QKI: variants seen among roughly 807,000 people sequenced by gnomAD.
QKI encodes the protein KH domain-containing RNA-binding protein QKI.
QKI carries 10 observed loss-of-function variants against 39.0 expected under a neutral mutation model. The observed-to-expected ratio is 0.26, with a 90% CI of 0.16 to 0.43. QKI has a LOEUF of 0.43. Among genes scored for constraint, QKI ranks in the 20% least tolerant of loss-of-function variants. The probability of loss-of-function intolerance (pLI) is 1.00; values close to 1 mark genes in which losing one functional copy is unlikely to be tolerated. For missense variants in QKI, 218 were observed against 428.0 expected, an observed-to-expected ratio of 0.51 and a Z score of 4.33; for synonymous variants, 204 against 155.4, an observed-to-expected ratio of 1.31 and a Z score of -2.33.
At chr6:163,557,301 T>C (rs1782689535) in intron 4 of QKI, among the ~76,000 whole-genome samples, 1 of 152,172 alleles carries the variant, frequency 6.6e-6, no homozygotes, top group Admixed American at 6.5e-5. Flanking sequence ...AAGGAGACTT[T>C]CTGGGTTTGT....
intron 1 of QKI, among the ~76,000 whole-genome samples, chr6:163,443,676 T>C (rs941022228): frequency 6.6e-6 from 1 of 152,278 alleles, no homozygotes; most frequent in Non-Finnish European, 1.5e-5. Context: ...AAAAATGTCA[T>C]GAAGTGACAG....
intron 2 of QKI, among the ~76,000 whole-genome samples, chr6:163,469,912 C>G (rs1462698650): frequency 6.6e-6 from 1 of 152,094 alleles, no homozygotes; most frequent in Non-Finnish European, 1.5e-5. Context: ...TATGTCAATT[C>G]TAGACCTCTT....
intron 2 of QKI, among the ~76,000 whole-genome samples, chr6:163,467,032 A>G (rs1465503131): frequency 6.7e-6 from 1 of 148,432 alleles, no homozygotes; most frequent in Non-Finnish European, 1.5e-5. Context: ...CAAAACAACA[A>G]AACAGCAAAA....
rs139906657 is a variant in QKI, at chr6:163,422,135, A to G, written c.142+6800A>G. 1.1e-4 allele frequency among the ~76,000 whole-genome samples: 17 copies of G among 152,340 alleles called. No individual in the cohort carries two copies. In the East Asian group the frequency reaches 3.1e-3, roughly 28 times the overall value. On this transcript the variant is annotated intron_variant, in intron 1 of 7. Coordinates refer to ENST00000361752, the MANE Select transcript of QKI (RefSeq NM_006775.3). ...AATCTGTGATGAATTTTTAAAAAAT[A>G]TATTGCAGAAGTGATTTATCTAGAA...
intron 1 of QKI, among the ~76,000 whole-genome samples, chr6:163,450,034 T>C (rs1404166447): frequency 2.6e-5 from 4 of 151,424 alleles, no homozygotes; most frequent in Admixed American, 2.0e-4. Flanking sequence ...TACACACACA[T>C]ATATATGTAT....
chr6:163,429,775 A>G (rs914564865), intron 1 of QKI, among the ~76,000 whole-genome samples: 1 of 152,226 alleles, frequency 6.6e-6, no homozygotes, highest in Non-Finnish European at 1.5e-5. Flanking sequence ...GTGACTTAAC[A>G]TACTTAATTG....
Position 163,571,626 on chromosome 6 carries a change from CA to C in QKI, c.*921del, listed in dbSNP as rs781101437. On this transcript the variant is annotated 3_prime_UTR_variant, in exon 8 of 8. Transcript: ENST00000361752. ...AGTGTAGTGCATTGAAACAAATGAA[CA>C]AAAAGTAGATACTTTTACTATACAA... 6.7e-6 allele frequency: 1 copy of C among 148,838 alleles called. No individual in the cohort carries two copies. The highest frequency in any genetic ancestry group is 2.1e-4 in the South Asian group (1 of 4,754). The allele number at this position is 148,838 out of a possible 1,614,324, so 9.2% of individuals were successfully genotyped here.
At chr6:163,447,899 A>G (rs1790270963) in intron 1 of QKI, among the ~76,000 whole-genome samples, 1 of 152,192 alleles carries the variant, frequency 6.6e-6, no homozygotes, top group African/African-American at 2.4e-5. Flanking sequence ...TTTATATAAT[A>G]ACATGAAAGC....
In QKI at chr6:163,552,202, C is replaced by T. The variant is rs969637030; in HGVS notation, c.547-9780C>T. Among the ~76,000 whole-genome samples, 39 of 123,606 alleles carry T rather than the reference C, an allele frequency of 3.2e-4. 1 individual carries two copies. The South Asian group carries it at 3.3e-3, about 10-fold the overall frequency. The allele number at this position is 123,606 out of a possible 152,430, so 81.1% of individuals were successfully genotyped here. Reference sequence around the variant, plus strand: ...GAAGTGGATCATCATAAAGTTCGTTCGTTCTTTTTTTTTTTTTTTTTTTTT... The same window carrying T: ...GAAGTGGATCATCATAAAGTTCGTTTGTTCTTTTTTTTTTTTTTTTTTTTT... On this transcript the variant is annotated intron_variant, in intron 4 of 7. Coordinates refer to ENST00000361752, the MANE Select transcript of QKI (RefSeq NM_006775.3).
intron 1 of QKI, among the ~76,000 whole-genome samples, chr6:163,434,229 G>A (rs1478249392): frequency 1.3e-5 from 2 of 152,178 alleles, no homozygotes; most frequent in Admixed American, 6.5e-5. Flanking sequence ...TGCCCAGCCT[G>A]AGATGGAAGG....
At chr6:163,565,860 T>C in intron 6 of QKI, 11 of 1,567,540 alleles carry the variant, frequency 7.0e-6, no homozygotes, top group Non-Finnish European at 9.6e-6. Context: ...GATGCAGACA[T>C]GTGTGTTGGT....
intron 2 of QKI, among the ~76,000 whole-genome samples, chr6:163,469,409 T>C (rs138176644): frequency 6.6e-6 from 1 of 152,334 alleles, no homozygotes; most frequent in Admixed American, 6.5e-5. Flanking sequence ...GTGAAGTATA[T>C]AATGTGTATC....
intron 6 of QKI, chr6:163,565,438 T>C: frequency 1.0e-6 from 1 of 986,296 alleles, no homozygotes; most frequent in African/African-American, 1.7e-5. Flanking sequence ...ATGATTACCT[T>C]ATCTAAAATG....
intron 1 of QKI, among the ~76,000 whole-genome samples, chr6:163,437,949 GACGGTCATTTTC>G: frequency 6.6e-6 from 1 of 152,270 alleles, no homozygotes; most frequent in Non-Finnish European, 1.5e-5. Context: ...AAAAGTATTT[GACGGTCATTTTC>G]ATAAGCTAAA....
intron 1 of QKI, among the ~76,000 whole-genome samples, chr6:163,420,154 C>CTTTTTT (rs35131240): frequency 2.8e-4 from 17 of 60,780 alleles, no homozygotes; most frequent in Non-Finnish European, 3.7e-4. Flanking sequence ...CTTTTCTTTT[C>CTTTTTT]TTTTTTTTTT....
chr6:163,494,504 C>T (rs1174608435), intron 3 of QKI, among the ~76,000 whole-genome samples: 4 of 152,196 alleles, frequency 2.6e-5, no homozygotes, highest in Admixed American at 2.0e-4. Context: ...TTCAGACACG[C>T]ACACAGTGGC....
chr6:163,551,978 C>T (rs146677560), intron 4 of QKI, among the ~76,000 whole-genome samples: 7 of 152,238 alleles, frequency 4.6e-5, no homozygotes, highest in Non-Finnish European at 8.8e-5. Flanking sequence ...TGAAAATCCA[C>T]GTATAATTTT....
At position 163,574,442 on chromosome 6, in the gene QKI, G is replaced by A. The variant is rs1023226601; in HGVS notation, c.*3732G>A. The stretch of plus-strand genomic sequence containing the variant: ...TGGCTGTTTCTCATGGTGGCCTGAA[G>A]CCCCGCTGCTTTCCAGTGAGGAAAA... On this transcript the variant is annotated 3_prime_UTR_variant, in exon 8 of 8. Coordinates refer to ENST00000361752, the MANE Select transcript of QKI (RefSeq NM_006775.3). 2 of 152,168 alleles carry A rather than the reference G, an allele frequency of 1.3e-5. No homozygotes were observed. The highest frequency in any genetic ancestry group is 6.5e-5 in the Admixed American group (1 of 15,270). 9.4% of individuals were successfully genotyped at this position (152,168 alleles called of 1,614,324 possible).
At chr6:163,510,087 G>A (rs533578887) in intron 3 of QKI, among the ~76,000 whole-genome samples, 4 of 152,020 alleles carry the variant, frequency 2.6e-5, no homozygotes, top group South Asian at 2.1e-4. Context: ...GTGGTGATGC[G>A]CATTTGTAAT....
Sources: gnomAD v4.1 joint callset for allele counts (sites outside exome capture counted in the v4.1 genomes callset) on GRCh38, gnomAD v4.1.1 for gene constraint, MANE v1.5 for transcripts, NCBI Gene and HGNC (gene_info 2026-07-23, HGNC 2026-07-21) for gene names.